NOX4: variants seen among roughly 807,000 people sequenced by gnomAD.
NOX4 encodes the protein kidney oxidase-1.
NOX4 carries 69 observed loss-of-function variants against 87.6 expected under a neutral mutation model. That is an observed-to-expected ratio of 0.79 (90% CI 0.65 to 0.96). The LOEUF is 0.96. Among genes scored for constraint, NOX4 ranks in the 40% least tolerant of loss-of-function variants. NOX4 has a pLI of 0.00. For missense variants in NOX4, 680 were observed against 681.5 expected, an observed-to-expected ratio of 1.00 and a Z score of 0.02; for synonymous variants, 275 against 238.2, an observed-to-expected ratio of 1.15 and a Z score of -1.42.
intron 11 of NOX4, among the ~76,000 whole-genome samples, chr11:89,385,720 C>T (rs1565222935): frequency 6.6e-6 from 1 of 152,128 alleles, no homozygotes; most frequent in Admixed American, 6.6e-5. Context: ...AAGTCAAGCT[C>T]GAGAATTTGC....
At chr11:89,369,781 C>T (rs1464216482) in intron 12 of NOX4, among the ~76,000 whole-genome samples, 3 of 146,814 alleles carry the variant, frequency 2.0e-5, no homozygotes, top group Non-Finnish European at 4.5e-5. Flanking sequence ...TATTTATTGG[C>T]TTCTTGCAGC....
chr11:89,365,985 G>A (rs1202927019), intron 12 of NOX4, among the ~76,000 whole-genome samples: 2 of 152,054 alleles, frequency 1.3e-5, no homozygotes, highest in Non-Finnish European at 2.9e-5. Flanking sequence ...TGATTAGCAA[G>A]TGTATCAAGA....
chr11:89,491,201 G>A lies in NOX4; in HGVS notation c.46C>T (p.His16Tyr). The A allele has an allele frequency of 1.2e-6, 2 of 1,613,820 alleles. No homozygotes were observed. The highest frequency in any genetic ancestry group is 1.7e-6 in the Non-Finnish European group (2 of 1,179,888). ...GCCCGCCATCCTACCAGGCAGAGGT[G>A]TTTAACCCCTTCGTTGGCGAGCCAG... ...RSWLANEGVK[H>Y]LCLFIWLSMN... The change falls in exon 1 of 18, where the codon CAC (histidine) becomes TAC (tyrosine). Residue 16 changes from histidine to tyrosine, a missense_variant. His to Tyr is a moderately conservative substitution (Grantham distance 83, BLOSUM62 2). Coordinates refer to ENST00000263317, the MANE Select transcript of NOX4 (RefSeq NM_016931.5).
At chr11:89,506,878 A>G in the NOX4 span, among the ~76,000 whole-genome samples, 1 of 151,944 alleles carries the variant, frequency 6.6e-6, no homozygotes, top group Non-Finnish European at 1.5e-5. Flanking sequence ...ATAGCACTAC[A>G]TACCTATCAG....
chr11:89,385,219 G>A (rs528677575), intron 11 of NOX4, among the ~76,000 whole-genome samples: 1 of 152,234 alleles, frequency 6.6e-6, no homozygotes, highest in East Asian at 1.9e-4. Context: ...CACTATGCAA[G>A]GTTCCTCCAT....
At chr11:89,368,052 C>T (rs547105902) in intron 12 of NOX4, among the ~76,000 whole-genome samples, 1 of 152,096 alleles carries the variant, frequency 6.6e-6, no homozygotes, top group African/African-American at 2.4e-5. Flanking sequence ...CTAAATCTCT[C>T]CAGCAATATA....
chr11:89,554,881 C>A, the NOX4 span, among the ~76,000 whole-genome samples: 1 of 151,726 alleles, frequency 6.6e-6, no homozygotes, highest in Non-Finnish European at 1.5e-5. Context: ...AAACTTTATG[C>A]TTTATTATTC....
chr11:89,544,105 A>T, the NOX4 span, among the ~76,000 whole-genome samples: 1 of 152,132 alleles, frequency 6.6e-6, no homozygotes, highest in East Asian at 1.9e-4. Flanking sequence ...CTGTGTTGGT[A>T]AAATTTCAGG....
chr11:89,430,192 T>C (rs1943701490), intron 7 of NOX4, among the ~76,000 whole-genome samples: 1 of 152,194 alleles, frequency 6.6e-6, no homozygotes, highest in African/African-American at 2.4e-5. Flanking sequence ...TAGGGATTGA[T>C]GGGACATATG....
chr11:89,503,783 A>G, the NOX4 span, among the ~76,000 whole-genome samples: 1 of 150,238 alleles, frequency 6.7e-6, no homozygotes, highest in African/African-American at 2.5e-5. Flanking sequence ...TTGTGATTCT[A>G]CAAATTTCCC....
At chr11:89,507,624 G>T in the NOX4 span, among the ~76,000 whole-genome samples, 2 of 151,650 alleles carry the variant, frequency 1.3e-5, no homozygotes, top group South Asian at 4.2e-4. Context: ...ATCCCATGGG[G>T]CAATTCAGTA....
At chr11:89,371,130 T>TGG (rs1422666725) in intron 12 of NOX4, among the ~76,000 whole-genome samples, 5 of 152,048 alleles carry the variant, frequency 3.3e-5, no homozygotes, top group Non-Finnish European at 5.9e-5. Flanking sequence ...TTGAAGGTAA[T>TGG]GCTCCTACTT....
intron 8 of NOX4, among the ~76,000 whole-genome samples, chr11:89,412,724 C>A (rs1206558884): frequency 6.6e-6 from 1 of 151,878 alleles, no homozygotes; most frequent in Non-Finnish European, 1.5e-5. Context: ...ACTATGAAAC[C>A]TCTAAAAGAA....
chr11:89,529,301 G>C, the NOX4 span, among the ~76,000 whole-genome samples: 1 of 152,048 alleles, frequency 6.6e-6, no homozygotes, highest in Non-Finnish European at 1.5e-5. Flanking sequence ...TTTGTAATAA[G>C]ACTAGCTTTA....
intron 8 of NOX4, among the ~76,000 whole-genome samples, chr11:89,408,896 T>G (rs1260127225): frequency 2.0e-5 from 3 of 152,196 alleles, no homozygotes; most frequent in Non-Finnish European, 4.4e-5. Flanking sequence ...ATTAGGTAGC[T>G]GATTCTGCCA....
rs568835447 is a variant in NOX4, at chr11:89,326,844, T to C, written c.1649A>G (p.Asn550Ser). 6.2e-7 allele frequency: 1 copy of C among 1,613,324 alleles called. No homozygotes were observed. The highest frequency in any genetic ancestry group is 2.2e-5 in the East Asian group (1 of 44,770). Residue 550 changes from asparagine (N) to serine (S), a missense_variant, in exon 18 of 18, where the codon AAT (asparagine) becomes AGT (serine). Coordinates refer to ENST00000263317, the MANE Select transcript of NOX4 (RefSeq NM_016931.5). ...KTVGVFCCGPNSLSKTLHKLS... is the reference protein window; with the variant it reads ...KTVGVFCCGPSSLSKTLHKLS... ...TTTATGAAGAGTCTTGGATAGTGAA[T>C]TGGGTCCACAACAGAAAACACCAAC...
chr11:89,489,638 G>A (rs1297599060), intron 2 of NOX4, among the ~76,000 whole-genome samples: 2 of 150,128 alleles, frequency 1.3e-5, no homozygotes, highest in Non-Finnish European at 3.0e-5. Flanking sequence ...TGAGGCAGGA[G>A]AATTGCTTGA....
At chr11:89,455,218 A>C (rs1338341623) in intron 2 of NOX4, among the ~76,000 whole-genome samples, 1 of 151,544 alleles carries the variant, frequency 6.6e-6, no homozygotes, top group African/African-American at 2.4e-5. Flanking sequence ...TAGTTGGTAT[A>C]TGAATTAATG....
chr11:89,511,187 A>T, the NOX4 span, among the ~76,000 whole-genome samples: 137 of 152,138 alleles, frequency 9.0e-4, no homozygotes, highest in African/African-American at 3.2e-3. Context: ...TACATCATTA[A>T]AAGATTCAAT....
Sources: gnomAD v4.1 joint callset for allele counts (sites outside exome capture counted in the v4.1 genomes callset) on GRCh38, gnomAD v4.1.1 for gene constraint, MANE v1.5 for transcripts, NCBI Gene and HGNC (gene_info 2026-07-23, HGNC 2026-07-21) for gene names.